Variants in PDE4D observed in about 807,000 individuals in gnomAD.
PDE4D encodes 3',5'-cyclic-AMP phosphodiesterase 4D.
Under a neutral mutation model 87.4 loss-of-function variants are expected in PDE4D, and 24 were observed. The observed-to-expected ratio is 0.27, with a 90% CI of 0.20 to 0.39. The LOEUF (loss-of-function observed/expected upper bound fraction) is 0.39, where lower values mean the gene tolerates loss of function less well. PDE4D is among the 10% of genes least tolerant of loss of function. PDE4D has a pLI of 1.00. For synonymous variants in PDE4D, 384 were observed against 383.2 expected (o/e 1.00, Z -0.02); for missense variants, 714 against 1,041.0 (o/e 0.69, Z 4.32).
intron 1 of PDE4D, among the ~76,000 whole-genome samples, chr5:59,786,110 C>T (rs752824147): frequency 5.3e-5 from 8 of 152,118 alleles, no homozygotes; most frequent in East Asian, 1.9e-4. Context: ...TCCCCATCCC[C>T]GGCATCTATT....
chr5:60,500,651 A>G (rs1331534535), intron 1 of PDE4D, among the ~76,000 whole-genome samples: 6 of 152,206 alleles, frequency 3.9e-5, no homozygotes, highest in African/African-American at 9.6e-5. Flanking sequence ...CTTTGTGAAC[A>G]TACATATGAA....
At chr5:60,486,871 C>A (rs1749185135) in intron 1 of PDE4D, among the ~76,000 whole-genome samples, 1 of 152,072 alleles carries the variant, frequency 6.6e-6, no homozygotes, top group South Asian at 2.1e-4. Context: ...TGAAAAGGAA[C>A]CCCTTTATTT....
chr5:60,157,371 A>G (rs534255215), intron 2 of PDE4D, among the ~76,000 whole-genome samples: 2 of 152,186 alleles, frequency 1.3e-5, no homozygotes, highest in Non-Finnish European at 2.9e-5. Context: ...ATTATCAGTG[A>G]ACAGAGCAGA....
chr5:59,686,786 G>T (rs1165505209), intron 1 of PDE4D, among the ~76,000 whole-genome samples: 1 of 152,126 alleles, frequency 6.6e-6, no homozygotes, highest in Non-Finnish European at 1.5e-5. Context: ...TTATTTGAAG[G>T]TGAGAACTAA....
chr5:59,669,274 C>T (rs900899069), intron 1 of PDE4D, among the ~76,000 whole-genome samples: 5 of 152,030 alleles, frequency 3.3e-5, no homozygotes, highest in Non-Finnish European at 7.4e-5. Flanking sequence ...CCACCACACC[C>T]GGCTAATTTT....
At chr5:59,025,788 T>C (rs1021371927) in intron 6 of PDE4D, among the ~76,000 whole-genome samples, 1 of 152,264 alleles carries the variant, frequency 6.6e-6, no homozygotes, top group Non-Finnish European at 1.5e-5. Context: ...CTTACTCCAA[T>C]ATGGCAGCCG....
chr5:59,197,830 A>T (rs955092657), intron 2 of PDE4D, among the ~76,000 whole-genome samples: 1 of 152,192 alleles, frequency 6.6e-6, no homozygotes, highest in Non-Finnish European at 1.5e-5. Context: ...AAATCCTATG[A>T]AATAAAATAA....
chr5:59,956,760 T>C (rs1758879718), intron 3 of PDE4D, among the ~76,000 whole-genome samples: 1 of 152,224 alleles, frequency 6.6e-6, no homozygotes, highest in Non-Finnish European at 1.5e-5. Context: ...GTAGATATCT[T>C]ATAGTTTGGC....
At chr5:60,092,050 C>CAAAAAAAAAAAAAAAAA (rs66814905) in intron 2 of PDE4D, among the ~76,000 whole-genome samples, 1 of 55,992 alleles carries the variant, frequency 1.8e-5, no homozygotes, top group Non-Finnish European at 3.2e-5. Context: ...AACTCCGTCT[C>CAAAAAAAAAAAAAAAAA]AAAAAAAAAA....
At chr5:60,193,669 C>CAAAAAAAAAAAAAAAAAAA (rs35340734) in intron 1 of PDE4D, among the ~76,000 whole-genome samples, 5 of 46,846 alleles carry the variant, frequency 1.1e-4, no homozygotes, top group Admixed American at 2.8e-4. Flanking sequence ...GACTCCGTCT[C>CAAAAAAAAAAAAAAAAAAA]AAAAAAAAAA....
intron 1 of PDE4D, among the ~76,000 whole-genome samples, chr5:59,758,003 C>A (rs1407368723): frequency 6.6e-6 from 1 of 152,204 alleles, no homozygotes; most frequent in East Asian, 1.9e-4. Flanking sequence ...CTGTTAACTA[C>A]TATTTTGTAA....
chr5:59,309,920 G>A (rs1280735696), intron 1 of PDE4D, among the ~76,000 whole-genome samples: 1 of 152,174 alleles, frequency 6.6e-6, no homozygotes, highest in African/African-American at 2.4e-5. Context: ...GACCCTCTGT[G>A]CCTTGCCATC....
chr5:60,403,237 T>C (rs1741241818), intron 1 of PDE4D, among the ~76,000 whole-genome samples: 1 of 152,214 alleles, frequency 6.6e-6, no homozygotes, highest in South Asian at 2.1e-4. Flanking sequence ...AAAGTAATAT[T>C]TGCTTTTAAC....
At chr5:60,318,570 T>C (rs1425768483) in intron 1 of PDE4D, among the ~76,000 whole-genome samples, 4 of 152,230 alleles carry the variant, frequency 2.6e-5, no homozygotes, top group Non-Finnish European at 5.9e-5. Flanking sequence ...ATGCAGTTTC[T>C]TCCTAGCCTT....
intron 1 of PDE4D, among the ~76,000 whole-genome samples, chr5:60,339,793 T>C (rs1439606339): frequency 6.6e-6 from 1 of 152,240 alleles, no homozygotes; most frequent in Non-Finnish European, 1.5e-5. Context: ...CAGCCATGTG[T>C]CTTTCTATTC....
At chr5:59,889,228 T>TAA (rs58549979) in intron 1 of PDE4D, among the ~76,000 whole-genome samples, 4,564 of 71,016 alleles carry the variant, frequency 0.064, 227 homozygotes, top group African/African-American at 0.13. Flanking sequence ...AGACTCTGTC[T>TAA]AAAAAAAAAA....
intron 1 of PDE4D, among the ~76,000 whole-genome samples, chr5:59,574,892 GATACTCTTTCATAAT>G (rs1334428894): frequency 6.6e-6 from 1 of 152,044 alleles, no homozygotes; most frequent in Non-Finnish European, 1.5e-5. Flanking sequence ...AATAGTTATT[GATACTCTTTCATAAT>G]AAAGTGAGAA....
intron 5 of PDE4D, among the ~76,000 whole-genome samples, chr5:59,066,934 T>G (rs1764025939): frequency 6.6e-6 from 1 of 152,088 alleles, no homozygotes; most frequent in African/African-American, 2.4e-5. Flanking sequence ...GACATTCTAG[T>G]CTCCAGAACT....
intron 1 of PDE4D, among the ~76,000 whole-genome samples, chr5:59,663,991 C>A (rs1745665095): frequency 6.6e-6 from 1 of 152,132 alleles, no homozygotes; most frequent in African/African-American, 2.4e-5. Flanking sequence ...AAAATTGAAG[C>A]CAATGTAACC....
Sources: gnomAD v4.1 joint callset for allele counts (sites outside exome capture counted in the v4.1 genomes callset) on GRCh38, gnomAD v4.1.1 for gene constraint, MANE v1.5 for transcripts, NCBI Gene and HGNC (gene_info 2026-07-23, HGNC 2026-07-21) for gene names.